Variants in CADPS observed in about 807,000 individuals in gnomAD.
The protein encoded by CADPS is calcium-dependent secretion activator 1.
A neutral mutation model predicts 167.3 loss-of-function variants in CADPS; 57 were observed. The observed-to-expected ratio is 0.34, with a 90% CI of 0.28 to 0.42. The LOEUF is 0.42. CADPS is among the 20% of genes least tolerant of loss of function. The probability of loss-of-function intolerance (pLI) is 1.00; values close to 1 mark genes in which losing one functional copy is unlikely to be tolerated. For missense variants in CADPS, 1,414 were observed against 1,738.1 expected, an observed-to-expected ratio of 0.81 and a Z score of 3.32; for synonymous variants, 676 against 635.3, an observed-to-expected ratio of 1.06 and a Z score of -0.96.
At position 62,407,635 on chromosome 3, in the gene CADPS, T is replaced by C. The variant is rs572882091; in HGVS notation, c.3778-4450A>G. 5.3e-5 allele frequency among the ~76,000 whole-genome samples: 8 copies of C among 152,330 alleles called. No homozygotes were observed. In the East Asian group the frequency reaches 9.7e-4, roughly 18 times the overall value. On this transcript the variant is annotated intron_variant, in intron 28 of 29. Transcript: ENST00000383710. The stretch of plus-strand genomic sequence containing the variant: ...TGAGCATTAAAAGAAATCATGTATG[T>C]GGAGGGCCTAGCAGAGTGAGTGTCA...
chr3:62,691,905 T>C (rs1010656466), intron 3 of CADPS, among the ~76,000 whole-genome samples: 1 of 151,968 alleles, frequency 6.6e-6, no homozygotes, highest in Non-Finnish European at 1.5e-5. Context: ...AACCTGCACA[T>C]CCTGCACATG....
chr3:62,862,575 A>G (rs1454015348), intron 1 of CADPS, among the ~76,000 whole-genome samples: 2 of 152,166 alleles, frequency 1.3e-5, no homozygotes, highest in African/African-American at 4.8e-5. Flanking sequence ...GTCATTTATT[A>G]TATAGACAAA....
chr3:62,823,992 C>T (rs2073524218), intron 1 of CADPS, among the ~76,000 whole-genome samples: 1 of 151,976 alleles, frequency 6.6e-6, no homozygotes, highest in African/African-American at 2.4e-5. Context: ...CTCCTCTTTG[C>T]AGGCATTACA....
At position 62,478,148 on chromosome 3, in the gene CADPS, CT is replaced by C. The variant is rs1371526313; in HGVS notation, c.3329+112del. 3 of 1,193,374 alleles carry C rather than the reference CT, an allele frequency of 2.5e-6. No homozygotes were observed. In the African/African-American group the frequency reaches 4.5e-5, roughly 18 times the overall value. The allele number at this position is 1,193,374 out of a possible 1,614,324, so 73.9% of individuals were successfully genotyped here. ...CCAGCTGACTTTGACAAGCAATCCC[CT>C]TCTCCAATTAGTTTCAAACTACAGC... On this transcript the variant is annotated intron_variant, in intron 23 of 29. Transcript: ENST00000383710. This position sits in a 1 kb window ranked among gnomAD's most constrained non-coding sequence, Gnocchi z 5.7.
chr3:62,844,236 T>C (rs2077056144), intron 1 of CADPS, among the ~76,000 whole-genome samples: 1 of 152,162 alleles, frequency 6.6e-6, no homozygotes, highest in Non-Finnish European at 1.5e-5. Flanking sequence ...AACTAGTTCA[T>C]TTAGTTTACA....
At chr3:62,511,747 G>A (rs948911895) in intron 17 of CADPS, among the ~76,000 whole-genome samples, 1 of 151,950 alleles carries the variant, frequency 6.6e-6, no homozygotes, top group African/African-American at 2.4e-5. Flanking sequence ...CTACCAATAG[G>A]CCTTGCAATA....
rs193144635 is a variant in CADPS, at chr3:62,729,948, G to C, written c.888+23493C>G. On this transcript the variant is annotated intron_variant, in intron 3 of 29. Coordinates refer to ENST00000383710, the MANE Select transcript of CADPS (RefSeq NM_003716.4). Reference sequence around the variant, plus strand: ...TGGCCAGTGGGTTGTGAGAGCAAGTGATACCAAACTTTTGGCATAAAGCAT... The same window carrying C: ...TGGCCAGTGGGTTGTGAGAGCAAGTCATACCAAACTTTTGGCATAAAGCAT... Among the ~76,000 whole-genome samples, 592 of 148,886 alleles carry C rather than the reference G, an allele frequency of 4.0e-3. 23 individuals carry two copies. The highest frequency in any genetic ancestry group is 0.014 in the African/African-American group (566 of 39,270).
intron 3 of CADPS, among the ~76,000 whole-genome samples, chr3:62,699,325 C>T (rs531840229): frequency 9.2e-5 from 14 of 152,190 alleles, no homozygotes. Context: ...GCGTGAGCCA[C>T]TGTGCCTGGT....
chr3:62,483,506 A>G (rs2062338742), intron 21 of CADPS, among the ~76,000 whole-genome samples: 1 of 152,200 alleles, frequency 6.6e-6, no homozygotes, highest in Non-Finnish European at 1.5e-5. Flanking sequence ...CATAGACTGA[A>G]AAACCTAGAA....
At chr3:62,574,365 T>C (rs537800213) in intron 8 of CADPS, among the ~76,000 whole-genome samples, 39 of 150,064 alleles carry the variant, frequency 2.6e-4, no homozygotes, top group African/African-American at 9.6e-4. Flanking sequence ...GAGAATACAC[T>C]GTAGGAGGAA....
intron 4 of CADPS, among the ~76,000 whole-genome samples, chr3:62,659,247 G>A (rs927231983): frequency 6.6e-6 from 1 of 151,980 alleles, no homozygotes; most frequent in South Asian, 2.1e-4. Context: ...TAGAAAAATC[G>A]GGGCATGCTA....
In CADPS at chr3:62,458,374, T is replaced by G. The variant is rs928060291; in HGVS notation, c.3636+6993A>C. ...CCTTTATCTTAATCACTCTCTAACT[T>G]TCTGGCGATAAACTTCCCACTGCAT... On this transcript the variant is annotated intron_variant, in intron 26 of 29. Transcript: ENST00000383710. The surrounding 1 kb of genome is among the most constrained non-coding windows in gnomAD (Gnocchi z 4.6). Among the ~76,000 whole-genome samples the G allele has an allele frequency of 1.3e-5, 2 of 152,160 alleles. No individual in the cohort carries two copies. The highest frequency in any genetic ancestry group is 6.5e-5 in the Admixed American group (1 of 15,274).
intron 1 of CADPS, among the ~76,000 whole-genome samples, chr3:62,855,437 G>A (rs1449035839): frequency 2.0e-5 from 3 of 151,942 alleles, no homozygotes; most frequent in Non-Finnish European, 4.4e-5. Flanking sequence ...ATCATGCCAT[G>A]ATTAGTAGTA....
intron 28 of CADPS, among the ~76,000 whole-genome samples, chr3:62,417,497 C>T (rs1159993902): frequency 4.0e-5 from 6 of 151,652 alleles, no homozygotes; most frequent in South Asian, 4.2e-4. Context: ...GTTGGCCAGG[C>T]TGGTCTTGAA....
intron 8 of CADPS, among the ~76,000 whole-genome samples, chr3:62,582,666 T>G (rs1177064030): frequency 6.6e-6 from 1 of 152,198 alleles, no homozygotes; most frequent in East Asian, 1.9e-4. Context: ...ATGGTGTTAT[T>G]AAGGCACTCA....
At chr3:62,467,315 T>C in intron 24 of CADPS, 1 of 1,261,746 alleles carries the variant, frequency 7.9e-7, no homozygotes, top group African/African-American at 1.6e-5. Context: ...TTAGCAAACT[T>C]TCAGAAGGAT....
chr3:62,562,094 A>G (rs960381820), intron 9 of CADPS, among the ~76,000 whole-genome samples: 9 of 152,208 alleles, frequency 5.9e-5, no homozygotes, highest in African/African-American at 1.9e-4. Context: ...AAAGAGAGGT[A>G]TATGGTACTG....
At chr3:62,664,871 G>A in intron 3 of CADPS, among the ~76,000 whole-genome samples, 1 of 152,312 alleles carries the variant, frequency 6.6e-6, no homozygotes, top group Non-Finnish European at 1.5e-5. Flanking sequence ...TGCTGGCAAT[G>A]AAGATGAGTA....
intron 3 of CADPS, among the ~76,000 whole-genome samples, chr3:62,743,249 T>G (rs2080695822): frequency 6.6e-6 from 1 of 152,184 alleles, no homozygotes; most frequent in Non-Finnish European, 1.5e-5. Flanking sequence ...ATTATTTAAT[T>G]TAGGGGTTAA....
Sources: gnomAD v4.1 joint callset for allele counts (sites outside exome capture counted in the v4.1 genomes callset) on GRCh38, gnomAD v4.1.1 for gene constraint, Gnocchi (gnomAD v3.1) non-coding constraint, MANE v1.5 for transcripts, NCBI Gene and HGNC (gene_info 2026-07-23, HGNC 2026-07-21) for gene names.